Variants in SLC24A2 observed in about 807,000 individuals in gnomAD.
The protein encoded by SLC24A2 is solute carrier family 24 member 2, also known as sodium/potassium/calcium exchanger 2.
A neutral mutation model predicts 62.0 loss-of-function variants in SLC24A2; 36 were observed. That is an observed-to-expected ratio of 0.58 (90% CI 0.44 to 0.77). The LOEUF is 0.77. Among genes scored for constraint, SLC24A2 ranks in the 30% least tolerant of loss-of-function variants. The pLI is 0.00. For synonymous variants in SLC24A2, 358 were observed against 294.0 expected (o/e 1.22, Z -2.23); for missense variants, 846 against 817.9 (o/e 1.03, Z -0.42).
rs150782979 is a variant in SLC24A2, at chr9:19,595,302, G to A, written c.1129+1927C>T. Among the ~76,000 whole-genome samples, 100 of 152,214 alleles carry A rather than the reference G, an allele frequency of 6.6e-4. 1 individual carries two copies. The East Asian group carries it at 0.018, about 28-fold the overall frequency. ...GCTTTTTCTTTTTTTCCTTGTTGTT[G>A]AAAAATTCTTAGTGACATCCTATGA... On this transcript the variant is annotated intron_variant, in intron 5 of 10. Coordinates refer to ENST00000341998, the MANE Select transcript of SLC24A2 (RefSeq NM_020344.4).
chr9:19,807,513 G>T, the SLC24A2 span, among the ~76,000 whole-genome samples: 1 of 152,162 alleles, frequency 6.6e-6, no homozygotes, highest in Non-Finnish European at 1.5e-5. Context: ...TAGGAGAAAG[G>T]ATAAAATGAA....
the SLC24A2 span, among the ~76,000 whole-genome samples, chr9:19,966,378 C>T: frequency 2.6e-5 from 4 of 152,106 alleles, no homozygotes; most frequent in Non-Finnish European, 2.9e-5. Flanking sequence ...ACTCATTTTG[C>T]TTCAAATAAA....
At chr9:20,187,106 T>C in the SLC24A2 span, among the ~76,000 whole-genome samples, 3 of 152,056 alleles carry the variant, frequency 2.0e-5, no homozygotes, top group Non-Finnish European at 2.9e-5. Flanking sequence ...GGTCCTATTC[T>C]CCCCCATCCC....
At chr9:20,170,739 A>G in the SLC24A2 span, among the ~76,000 whole-genome samples, 2 of 152,080 alleles carry the variant, frequency 1.3e-5, no homozygotes, top group South Asian at 4.1e-4. Context: ...CTTTCATAAG[A>G]ATAATCAGTG....
chr9:20,222,572 T>C, the SLC24A2 span, among the ~76,000 whole-genome samples: 2 of 152,080 alleles, frequency 1.3e-5, no homozygotes, highest in African/African-American at 2.4e-5. Flanking sequence ...GAAAAGGATA[T>C]ATTTACAAAC....
the SLC24A2 span, among the ~76,000 whole-genome samples, chr9:20,081,954 G>A: frequency 6.6e-6 from 1 of 152,162 alleles, no homozygotes; most frequent in Non-Finnish European, 1.5e-5. Flanking sequence ...GCCCTGATAT[G>A]TACTACTGGG....
intron 2 of SLC24A2, among the ~76,000 whole-genome samples, chr9:19,672,084 G>A (rs754462760): frequency 1.4e-5 from 2 of 146,520 alleles, no homozygotes; most frequent in Non-Finnish European, 3.0e-5. Flanking sequence ...GATTTAGGAA[G>A]AATTCCCTCT....
At chr9:20,098,646 G>C in the SLC24A2 span, among the ~76,000 whole-genome samples, 1 of 152,184 alleles carries the variant, frequency 6.6e-6, no homozygotes, top group African/African-American at 2.4e-5. Context: ...TGTCCCTGAA[G>C]TGGAAGGAAA....
the SLC24A2 span, among the ~76,000 whole-genome samples, chr9:19,848,840 G>A: frequency 2.6e-5 from 4 of 152,208 alleles, no homozygotes; most frequent in Admixed American, 1.3e-4. Flanking sequence ...CTTGACCTGA[G>A]CATTTATTAA....
the SLC24A2 span, among the ~76,000 whole-genome samples, chr9:19,857,340 A>G: frequency 3.9e-5 from 6 of 152,292 alleles, no homozygotes; most frequent in East Asian, 1.2e-3. Flanking sequence ...ATCTAGGACA[A>G]TCATCTTCCC....
chr9:20,144,814 T>C, the SLC24A2 span, among the ~76,000 whole-genome samples: 3 of 152,054 alleles, frequency 2.0e-5, no homozygotes, highest in African/African-American at 7.2e-5. Flanking sequence ...TAAAACACTC[T>C]GTAAATGCTC....
At chr9:20,026,977 GA>G in the SLC24A2 span, among the ~76,000 whole-genome samples, 1 of 151,886 alleles carries the variant, frequency 6.6e-6, no homozygotes, top group Admixed American at 6.6e-5. Context: ...CTATATAGTA[GA>G]AAAAAATAAG....
At chr9:19,905,784 T>G in the SLC24A2 span, among the ~76,000 whole-genome samples, 1 of 152,060 alleles carries the variant, frequency 6.6e-6, no homozygotes, top group Non-Finnish European at 1.5e-5. Context: ...GATCTGCAAA[T>G]TAAACTAACA....
At chr9:19,766,088 G>A (rs867090653) in intron 2 of SLC24A2, among the ~76,000 whole-genome samples, 2 of 151,808 alleles carry the variant, frequency 1.3e-5, no homozygotes, top group Non-Finnish European at 1.5e-5. Context: ...TGACCAGTTC[G>A]GCTATTGATA....
At chr9:19,748,246 G>A (rs187364177) in intron 2 of SLC24A2, among the ~76,000 whole-genome samples, 2 of 152,316 alleles carry the variant, frequency 1.3e-5, no homozygotes, top group Admixed American at 1.3e-4. Flanking sequence ...GAGCAGATCT[G>A]TGATTTCAGT....
At chr9:19,979,533 T>A in the SLC24A2 span, among the ~76,000 whole-genome samples, 1 of 152,192 alleles carries the variant, frequency 6.6e-6, no homozygotes, top group Non-Finnish European at 1.5e-5. Flanking sequence ...ATACACGCTT[T>A]TTAGGAGTGA....
chr9:19,519,220 C>T (rs757857852), intron 10 of SLC24A2, among the ~76,000 whole-genome samples: 1 of 151,990 alleles, frequency 6.6e-6, no homozygotes, highest in Non-Finnish European at 1.5e-5. Context: ...AAAATAAAAG[C>T]CTTCCAAGTA....
chr9:19,659,980 G>A (rs1321514778), intron 2 of SLC24A2, among the ~76,000 whole-genome samples: 1 of 152,174 alleles, frequency 6.6e-6, no homozygotes, highest in East Asian at 1.9e-4. Context: ...AGACTTACGA[G>A]GGGACCAAGA....
chr9:20,196,867 T>C, the SLC24A2 span, among the ~76,000 whole-genome samples: 4 of 152,232 alleles, frequency 2.6e-5, no homozygotes, highest in Admixed American at 6.5e-5. Flanking sequence ...TTGGCATATA[T>C]ATTCTTTCAA....
Sources: gnomAD v4.1 joint callset for allele counts (sites outside exome capture counted in the v4.1 genomes callset) on GRCh38, gnomAD v4.1.1 for gene constraint, MANE v1.5 for transcripts, NCBI Gene and HGNC (gene_info 2026-07-23, HGNC 2026-07-21) for gene names.